Variants in CEP112 observed in about 807,000 individuals in gnomAD.
CEP112 encodes the protein centrosomal protein 112, also known as centrosomal protein of 112 kDa.
In CEP112, 127 loss-of-function variants were observed where a neutral mutation model predicts 153.0. The observed-to-expected ratio is 0.83, with a 90% confidence interval of 0.72 to 0.96. CEP112 has a LOEUF of 0.96. Ranked by LOEUF, CEP112 falls within the 40% of genes least tolerant of loss-of-function variation. CEP112 has a pLI of 0.00. For synonymous variants in CEP112, 358 were observed against 374.4 expected, an observed-to-expected ratio of 0.96 and a Z score of 0.51; for missense variants, 1,089 against 1,101.2, an observed-to-expected ratio of 0.99 and a Z score of 0.16.
rs1014392052 is a variant in CEP112 at position 65,942,624 on chromosome 17, G to A, written c.1873-14935C>T. ...CCCCTTTTAGGGGGCTTTCCTGCAA[G>A]TTCCTGCCGATAGCAAATTAATTAT... On this transcript the variant is annotated intron_variant, in intron 18 of 26. Coordinates refer to ENST00000535342, the MANE Select transcript of CEP112 (RefSeq NM_001199165.4). 2.6e-5 allele frequency among the ~76,000 whole-genome samples: 4 copies of A among 152,318 alleles called. No homozygotes were observed. In the South Asian group the frequency reaches 6.2e-4, roughly 24 times the overall value.
At chr17:65,814,100 G>A (rs946379894) in intron 21 of CEP112, among the ~76,000 whole-genome samples, 2 of 152,096 alleles carry the variant, frequency 1.3e-5, no homozygotes, top group African/African-American at 2.4e-5. Flanking sequence ...AAAAGTGAAA[G>A]CTTAAAAAGA....
Position 65,635,644 on chromosome 17 carries a change from G to C in CEP112, c.*327C>G, listed in dbSNP as rs1567789467. On this transcript the variant is annotated 3_prime_UTR_variant, in exon 27 of 27. Coordinates refer to ENST00000535342, the MANE Select transcript of CEP112 (RefSeq NM_001199165.4). ...ACTACAAACGTGATTTTGATCGTAC[G>C]CAACTGGTAAAATTCTATGCAAAAG... The C allele has an allele frequency of 2.8e-6, 1 of 363,404 alleles. No homozygotes were observed. Among genetic ancestry groups the C allele is most frequent in the Non-Finnish European group, 4.9e-6 (1 of 203,908 alleles). The allele number at this position is 363,404 out of a possible 1,614,324, so 22.5% of individuals were successfully genotyped here.
chr17:66,186,985 A>T (rs1324736453), intron 1 of CEP112, among the ~76,000 whole-genome samples: 1 of 152,156 alleles, frequency 6.6e-6, no homozygotes, highest in South Asian at 2.1e-4. Context: ...CAGACGCAGT[A>T]ACTCTCCCTC....
intron 6 of CEP112, among the ~76,000 whole-genome samples, chr17:66,115,022 T>C (rs1568506074): frequency 1.3e-5 from 2 of 151,982 alleles, no homozygotes; most frequent in South Asian, 2.1e-4. Flanking sequence ...CTGGCCAACA[T>C]GGTGAAACCC....
chr17:65,874,473 T>C (rs1322178869), intron 20 of CEP112, among the ~76,000 whole-genome samples: 1 of 152,120 alleles, frequency 6.6e-6, no homozygotes, highest in Non-Finnish European at 1.5e-5. Flanking sequence ...AACATGTCAA[T>C]ACAAAAGAAA....
chr17:65,807,520 C>T (rs1205679154), intron 21 of CEP112, among the ~76,000 whole-genome samples: 2 of 152,130 alleles, frequency 1.3e-5, no homozygotes, highest in Non-Finnish European at 2.9e-5. Flanking sequence ...TTGTGGCAGC[C>T]CCTCCCACCA....
intron 23 of CEP112, among the ~76,000 whole-genome samples, chr17:65,733,984 C>T (rs1306483947): frequency 2.0e-5 from 3 of 152,208 alleles, no homozygotes; most frequent in Non-Finnish European, 4.4e-5. Context: ...TACTTATAAT[C>T]TCTACTTGTC....
rs144434153 is a variant in CEP112, at chr17:65,678,462, G to A, written c.2697+10667C>T. Among the ~76,000 whole-genome samples the A allele has an allele frequency of 5.1e-4, 78 of 152,154 alleles. 1 individual carries two copies. The highest frequency in any genetic ancestry group is 1.9e-3 in the African/African-American group (77 of 41,502). On this transcript the variant is annotated intron_variant, in intron 24 of 26. Coordinates refer to ENST00000535342, the MANE Select transcript of CEP112 (RefSeq NM_001199165.4). ...TTGGAGTAAATCATATGTCTTGATC[G>A]AAAACATAATTTTTAATAAGGCTAA... is the stretch of plus-strand genomic sequence containing the variant.
chr17:65,945,964 T>C (rs959273401), intron 18 of CEP112, among the ~76,000 whole-genome samples: 2 of 152,210 alleles, frequency 1.3e-5, no homozygotes, highest in Non-Finnish European at 2.9e-5. Context: ...CCTTTTTATA[T>C]GTTAATTGGC....
rs950594344 is a variant in CEP112 at position 66,076,381 on chromosome 17, G to A, written c.769-6380C>T. ...GCTGCTAGGGGGACATGGTGGGGGTGAGACCAGCCCTGAAGACTGTGTGGG... is the reference window on the plus strand; with the variant it reads ...GCTGCTAGGGGGACATGGTGGGGGTAAGACCAGCCCTGAAGACTGTGTGGG... On this transcript the variant is annotated intron_variant, in intron 8 of 26. Transcript: ENST00000535342. Among the ~76,000 whole-genome samples the A allele has an allele frequency of 2.6e-5, 4 of 152,238 alleles. No individual in the cohort carries two copies. In the East Asian group the frequency reaches 7.7e-4, roughly 29 times the overall value.
intron 17 of CEP112, among the ~76,000 whole-genome samples, chr17:65,985,714 T>C (rs184345570): frequency 2.0e-5 from 3 of 152,296 alleles, no homozygotes; most frequent in Non-Finnish European, 4.4e-5. Context: ...AGTCAGTCTT[T>C]GATTCACTTA....
chr17:66,121,230 C>T (rs531455933), intron 6 of CEP112, among the ~76,000 whole-genome samples: 2 of 151,144 alleles, frequency 1.3e-5, no homozygotes, highest in East Asian at 1.9e-4. Flanking sequence ...AAGCTGAGAT[C>T]GTGCCATTGC....
At chr17:65,730,329 A>G (rs761447992) in intron 23 of CEP112, among the ~76,000 whole-genome samples, 1 of 152,202 alleles carries the variant, frequency 6.6e-6, no homozygotes, top group Non-Finnish European at 1.5e-5. Flanking sequence ...TGCTCTAGGA[A>G]GCAAGGTCAT....
chr17:66,166,621 A>G (rs2071970173), intron 4 of CEP112, among the ~76,000 whole-genome samples: 1 of 152,116 alleles, frequency 6.6e-6, no homozygotes, highest in African/African-American at 2.4e-5. Context: ...TTACCAGCCG[A>G]GCACGGTGGC....
chr17:65,758,275 C>T lies in CEP112; in HGVS notation c.2395-7551G>A, dbSNP rs140141387. Among the ~76,000 whole-genome samples the T allele has an allele frequency of 4.3e-3, 651 of 152,270 alleles. 28 individuals carry two copies. The highest frequency in any genetic ancestry group is 0.038 in the Admixed American group (578 of 15,290). ...TTTCTGATTGGTTGTGCCCGTCCTC[C>T]TCCAGACAGTATTCAGTTCTCATCT... On this transcript the variant is annotated intron_variant, in intron 21 of 26. Coordinates refer to ENST00000535342, the MANE Select transcript of CEP112 (RefSeq NM_001199165.4).
Position 66,141,783 on chromosome 17 carries a change from T to C in CEP112, c.471-9020A>G, listed in dbSNP as rs536054757. Among the ~76,000 whole-genome samples, 13 of 152,332 alleles carry C rather than the reference T, an allele frequency of 8.5e-5. No individual in the cohort carries two copies. In the South Asian group the frequency reaches 2.3e-3, roughly 27 times the overall value. On this transcript the variant is annotated intron_variant, in intron 4 of 26. Transcript: ENST00000535342. Reference sequence around the variant, plus strand: ...CATATTTTGTTAATCCATTCATTTGTAGATGAACATATAGGTTGTTTCCAC... The same window carrying C: ...CATATTTTGTTAATCCATTCATTTGCAGATGAACATATAGGTTGTTTCCAC...
intron 16 of CEP112, among the ~76,000 whole-genome samples, chr17:66,021,823 C>A (rs1315326470): frequency 6.6e-6 from 1 of 151,534 alleles, no homozygotes; most frequent in African/African-American, 2.4e-5. Context: ...AGGACCCAGT[C>A]CACTGAATAT....
intron 21 of CEP112, among the ~76,000 whole-genome samples, chr17:65,832,451 C>T (rs1193209274): frequency 6.6e-6 from 1 of 150,580 alleles, no homozygotes; most frequent in East Asian, 1.9e-4. Context: ...ACAGATAGGC[C>T]ACTAGCTAAA....
rs139055433 is a variant in CEP112, at chr17:65,823,341, T to C, written c.2394+28463A>G. Reference sequence around the variant, plus strand: ...CATTGTAAAAGGATAGACATATAGATTAATAGAAGAAAAACAGAAAGTCCA... The same window carrying C: ...CATTGTAAAAGGATAGACATATAGACTAATAGAAGAAAAACAGAAAGTCCA... On this transcript the variant is annotated intron_variant, in intron 21 of 26. Coordinates refer to ENST00000535342, the MANE Select transcript of CEP112 (RefSeq NM_001199165.4). Among the ~76,000 whole-genome samples the C allele has an allele frequency of 8.3e-3, 1,258 of 152,210 alleles. 14 individuals carry two copies. The highest frequency in any genetic ancestry group is 0.02 in the South Asian group (96 of 4,816).
Sources: gnomAD v4.1 joint callset for allele counts (sites outside exome capture counted in the v4.1 genomes callset) on GRCh38, gnomAD v4.1.1 for gene constraint, MANE v1.5 for transcripts, NCBI Gene and HGNC (gene_info 2026-07-23, HGNC 2026-07-21) for gene names.